SEMA4D: variants seen among roughly 807,000 people sequenced by gnomAD.
SEMA4D encodes semaphorin 4D, also known as semaphorin-4D.
A neutral mutation model predicts 74.8 loss-of-function variants in SEMA4D; 22 were observed. The ratio of observed to expected loss-of-function variants is 0.29; its 90% CI spans 0.21 to 0.42. The LOEUF (loss-of-function observed/expected upper bound fraction) is 0.42. SEMA4D is among the 10% of genes least tolerant of loss of function. SEMA4D has a pLI of 1.00. For missense variants in SEMA4D, 937 were observed against 1,118.4 expected, an observed-to-expected ratio of 0.84 and a Z score of 2.31; for synonymous variants, 445 against 463.7, an observed-to-expected ratio of 0.96 and a Z score of 0.52.
At chr9:89,374,116 AG>A (rs1430744325), downstream of SEMA4D, among the ~76,000 whole-genome samples, 1 of 152,244 alleles carries the variant, frequency 6.6e-6, no homozygotes, top group African/African-American at 2.4e-5. Flanking sequence ...AGAATGTCCC[AG>A]ATGGGGCCAA....
At chr9:89,473,189 T>C (rs1285667387) in intron 1 of SEMA4D, among the ~76,000 whole-genome samples, 1 of 152,220 alleles carries the variant, frequency 6.6e-6, no homozygotes, top group Non-Finnish European at 1.5e-5. Context: ...TACTACATTT[T>C]GAAATATGTA....
Position 89,411,162 on chromosome 9 carries a change from G to A in SEMA4D, c.-243-5463C>T, listed in dbSNP as rs567216131. Among the ~76,000 whole-genome samples, 210 of 152,330 alleles carry A rather than the reference G, an allele frequency of 1.4e-3. 1 individual carries two copies. The highest frequency in any genetic ancestry group is 2.5e-3 in the Non-Finnish European group (169 of 68,026). On this transcript the variant is annotated intron_variant, in intron 2 of 15. Coordinates refer to ENST00000422704, the MANE Select transcript of SEMA4D (RefSeq NM_001371194.2). The stretch of plus-strand genomic sequence containing the variant: ...GAGAAGGCACAGTGGATTACTGATT[G>A]CATCTGTGGCTTTGTTCTCAGAAAT...
In SEMA4D at chr9:89,379,226, G is replaced by T; in HGVS notation, c.2067C>A (p.Ala689=). 1 of 1,614,030 alleles carries T rather than the reference G, an allele frequency of 6.2e-7. No homozygotes were observed. The highest frequency in any genetic ancestry group is 8.5e-7 in the Non-Finnish European group (1 of 1,179,930). ...GAAGGGTGATGGCCCCGGAGGAGGT[G>T]GCCTGCACGGCTGGGGTTGGGGGAG... ...GSSPPTPAVQ[A]TSSGAITLPP... is the part of the protein sequence containing the mutation. The change falls in exon 16 of 16, where the codon GCC becomes GCA. Residue 689 remains alanine (A), a synonymous_variant. Transcript: ENST00000422704.
chr9:89,391,903 A>G (rs1386797385), intron 8 of SEMA4D, among the ~76,000 whole-genome samples: 1 of 152,198 alleles, frequency 6.6e-6, no homozygotes, highest in African/African-American at 2.4e-5. Context: ...TTCAAAACCC[A>G]AGGCTCTACT....
At position 89,362,744 on chromosome 9, in the gene SEMA4D, C is replaced by T. The variant is rs114051162; in HGVS notation, c.2191-316G>A. Among the ~76,000 whole-genome samples, 414 of 152,332 alleles carry T rather than the reference C, an allele frequency of 2.7e-3. 2 individuals are homozygous for T. The highest frequency in any genetic ancestry group is 9.3e-3 in the African/African-American group (387 of 41,574). Reference sequence around the variant, plus strand: ...TGCCCAGCCTTTGGTGGCAACAGTTCGGGGGTGTACTGCTGGCAGCCACGT... The same window carrying T: ...TGCCCAGCCTTTGGTGGCAACAGTTTGGGGGTGTACTGCTGGCAGCCACGT... On this transcript the variant is annotated intron_variant, in intron 18 of 18. Transcript: ENST00000339861.
intron 2 of SEMA4D, among the ~76,000 whole-genome samples, chr9:89,408,577 C>CAA (rs1843797236): frequency 6.6e-6 from 1 of 152,234 alleles, no homozygotes; most frequent in Non-Finnish European, 1.5e-5. Flanking sequence ...CCAGAAGTGA[C>CAA]AACGTGGCCA....
chr9:89,386,082 C>G lies in SEMA4D; in HGVS notation c.1446+285G>C, dbSNP rs183105861. The G allele has an allele frequency of 1.0e-3, 1,005 of 985,298 alleles. 6 individuals carry two copies. The African/African-American group carries it at 0.017, about 16-fold the overall frequency. The allele number at this position is 985,298 out of a possible 1,614,324, so 61.0% of individuals were successfully genotyped here. Reference sequence around the variant, plus strand: ...AAAAAGGTGTCTTCATGGAGCAGTGCCCACCTCTCCACAGCCTGTAAAGCT... The same window carrying G: ...AAAAAGGTGTCTTCATGGAGCAGTGGCCACCTCTCCACAGCCTGTAAAGCT... On this transcript the variant is annotated intron_variant, in intron 13 of 15. Coordinates refer to ENST00000422704, the MANE Select transcript of SEMA4D (RefSeq NM_001371194.2).
chr9:89,439,382 T>C (rs193122331), intron 2 of SEMA4D, among the ~76,000 whole-genome samples: 141 of 152,302 alleles, frequency 9.3e-4, no homozygotes, highest in Admixed American at 7.7e-3. Flanking sequence ...GCTTAACGAA[T>C]AGGGTTTCTT....
At position 89,434,913 on chromosome 9, in the gene SEMA4D, C is replaced by T. The variant is rs1850066786; in HGVS notation, c.-244+20975G>A. 2.6e-5 allele frequency among the ~76,000 whole-genome samples: 4 copies of T among 152,188 alleles called. No individual in the cohort carries two copies. The South Asian group carries it at 8.3e-4, about 32-fold the overall frequency. ...CACCTCCCAGCCTTCTACAACATGG[C>T]CTAGTGTGGGCAATAGTTCTTGATT... On this transcript the variant is annotated intron_variant, in intron 2 of 15. Coordinates refer to ENST00000422704, the MANE Select transcript of SEMA4D (RefSeq NM_001371194.2).
At chr9:89,443,438 T>C (rs1231749551) in intron 2 of SEMA4D, among the ~76,000 whole-genome samples, 1 of 152,176 alleles carries the variant, frequency 6.6e-6, no homozygotes, top group Admixed American at 6.5e-5. Context: ...CACGGTCCTG[T>C]TGTCCCTGCA....
intron 13 of SEMA4D, among the ~76,000 whole-genome samples, chr9:89,383,098 G>C (rs577303037): frequency 6.6e-6 from 1 of 152,312 alleles, no homozygotes; most frequent in African/African-American, 2.4e-5. Flanking sequence ...AGGAGGAACT[G>C]GTCGTCAGGA....
intron 2 of SEMA4D, among the ~76,000 whole-genome samples, chr9:89,430,529 T>A (rs966416653): frequency 3.3e-5 from 5 of 152,106 alleles, no homozygotes; most frequent in Non-Finnish European, 7.4e-5. Flanking sequence ...CCAGCCACAG[T>A]TACTGGGGAG....
At chr9:89,466,279 G>A (rs1858684489) in intron 1 of SEMA4D, among the ~76,000 whole-genome samples, 1 of 152,206 alleles carries the variant, frequency 6.6e-6, no homozygotes, top group Non-Finnish European at 1.5e-5. Context: ...TCCGCTCTGA[G>A]TTCCCACGTA....
downstream of SEMA4D, among the ~76,000 whole-genome samples, chr9:89,373,577 G>A (rs976000879): frequency 5.3e-5 from 8 of 152,194 alleles, no homozygotes; most frequent in Admixed American, 1.3e-4. Flanking sequence ...AAGATGCCAC[G>A]AATGTCCTCT....
intron 2 of SEMA4D, among the ~76,000 whole-genome samples, chr9:89,444,761 G>A (rs1043810869): frequency 2.6e-5 from 4 of 152,020 alleles, no homozygotes; most frequent in Non-Finnish European, 5.9e-5. Flanking sequence ...TGGTACCCAC[G>A]AGCCCTAAGA....
At chr9:89,435,831 CAAAACAGAGAAACTTCGAGAT>C (rs540983489) in intron 2 of SEMA4D, among the ~76,000 whole-genome samples, 1 of 152,192 alleles carries the variant, frequency 6.6e-6, no homozygotes, top group Non-Finnish European at 1.5e-5. Context: ...AAAGGCTGTG[CAAAACAGAGAAACTTCGAGAT>C]AAATGAAACT....
At chr9:89,386,757 A>G (rs1838603951) in intron 12 of SEMA4D, 1 of 347,882 alleles carries the variant, frequency 2.9e-6, no homozygotes, top group Admixed American at 4.6e-5. Flanking sequence ...AACAGTCGAC[A>G]TTACACTTGA....
intron 2 of SEMA4D, among the ~76,000 whole-genome samples, chr9:89,422,156 T>C (rs1191794840): frequency 2.0e-5 from 3 of 152,254 alleles, no homozygotes; most frequent in African/African-American, 7.2e-5. Flanking sequence ...TCTCCTGTAC[T>C]AACTTTACTA....
At chr9:89,450,657 C>G (rs1162354002) in intron 2 of SEMA4D, 1 of 221,308 alleles carries the variant, frequency 4.5e-6, no homozygotes, top group African/African-American at 1.7e-4. Context: ...TCGAAAAACC[C>G]AGGAAAAAAA....
Sources: allele counts gnomAD v4.1 joint callset (sites outside exome capture counted in the v4.1 genomes callset), GRCh38; gene constraint gnomAD v4.1.1; transcripts MANE v1.5; gene names NCBI Gene and HGNC (gene_info 2026-07-23, HGNC 2026-07-21).